Variants in KCTD8 observed in about 807,000 individuals in gnomAD.
KCTD8 encodes BTB/POZ domain-containing protein KCTD8.
In KCTD8, 27 loss-of-function variants were observed where a neutral mutation model predicts 31.5. The ratio of observed to expected loss-of-function variants is 0.86; its 90% confidence interval spans 0.63 to 1.18. The LOEUF (loss-of-function observed/expected upper bound fraction) is 1.18. Ranked by LOEUF, KCTD8 falls within the 50% of genes most tolerant of loss-of-function variation. The pLI, the probability that KCTD8 is intolerant of heterozygous loss-of-function variation, is 0.00. For synonymous variants in KCTD8, 290 were observed against 280.0 expected, an observed-to-expected ratio of 1.04 and a Z score of -0.36; for missense variants, 658 against 647.7, an observed-to-expected ratio of 1.02 and a Z score of -0.17.
chr4:44,339,231 T>C (rs1257035612), intron 1 of KCTD8, among the ~76,000 whole-genome samples: 1 of 152,150 alleles, frequency 6.6e-6, no homozygotes, highest in African/African-American at 2.4e-5. Context: ...AGACCAGTGT[T>C]GGATATGCAG....
At chr4:44,186,766 G>A (rs1560389386) in intron 1 of KCTD8, among the ~76,000 whole-genome samples, 1 of 152,222 alleles carries the variant, frequency 6.6e-6, no homozygotes, top group Non-Finnish European at 1.5e-5. Flanking sequence ...ATGGGATAGA[G>A]AGTTTTTCCT....
chr4:44,394,516 T>C (rs1008227650), intron 1 of KCTD8, among the ~76,000 whole-genome samples: 12 of 152,144 alleles, frequency 7.9e-5, no homozygotes, highest in African/African-American at 2.7e-4. Flanking sequence ...TTATCATATT[T>C]AATGTCATAA....
chr4:44,425,769 T>C (rs16856912), intron 1 of KCTD8, among the ~76,000 whole-genome samples: 7,895 of 151,972 alleles, frequency 0.052, 687 homozygotes, highest in African/African-American at 0.18. Flanking sequence ...ACGCAATCTA[T>C]CCATCATTAT....
intron 1 of KCTD8, among the ~76,000 whole-genome samples, chr4:44,399,682 C>T: frequency 6.6e-6 from 1 of 152,078 alleles, no homozygotes; most frequent in East Asian, 1.9e-4. Context: ...AATGGGAGAC[C>T]ATATTCTTTT....
chr4:44,337,673 C>CAAAAAA lies in KCTD8; in HGVS notation c.961+109884_961+109889dup, dbSNP rs772899561. The stretch of plus-strand genomic sequence containing the variant: ...TGAGTGACAGAGCAAGACTCGATCT[C>CAAAAAA]AAAAAATATATATATATATATATAT... On this transcript the variant is annotated intron_variant, in intron 1 of 1. Transcript: ENST00000360029. 7.1e-5 allele frequency among the ~76,000 whole-genome samples: 5 copies of CAAAAAA among 70,520 alleles called. No homozygotes were observed. The East Asian group carries it at 9.8e-4, about 14-fold the overall frequency. The allele number at this position is 70,520 out of a possible 152,430, so 46.3% of individuals were successfully genotyped here.
intron 1 of KCTD8, among the ~76,000 whole-genome samples, chr4:44,202,151 G>T (rs1284391343): frequency 6.6e-6 from 1 of 152,116 alleles, no homozygotes; most frequent in Non-Finnish European, 1.5e-5. Context: ...AGATGCTAAT[G>T]AGGCTGTGGA....
At chr4:44,301,205 A>G (rs1167590559) in intron 1 of KCTD8, among the ~76,000 whole-genome samples, 5 of 152,032 alleles carry the variant, frequency 3.3e-5, no homozygotes, top group Admixed American at 2.6e-4. Context: ...ATAGCAGCAT[A>G]AGTTATAGTC....
intron 1 of KCTD8, among the ~76,000 whole-genome samples, chr4:44,202,831 T>C (rs1039600870): frequency 6.6e-6 from 1 of 152,118 alleles, no homozygotes; most frequent in African/African-American, 2.4e-5. Context: ...TTGCACAATA[T>C]AAAAATAAAT....
chr4:44,365,097 G>A (rs1046658662), intron 1 of KCTD8, among the ~76,000 whole-genome samples: 24 of 152,014 alleles, frequency 1.6e-4, no homozygotes, highest in African/African-American at 5.8e-4. Flanking sequence ...TTTAATATTG[G>A]TTAATCAGTT....
chr4:44,242,384 C>T (rs1357505271), intron 1 of KCTD8, among the ~76,000 whole-genome samples: 2 of 152,068 alleles, frequency 1.3e-5, no homozygotes, highest in Non-Finnish European at 2.9e-5. Flanking sequence ...CGAGACCATC[C>T]TGGCTAACAC....
chr4:44,437,904 C>A (rs1721710848), intron 1 of KCTD8, among the ~76,000 whole-genome samples: 1 of 152,178 alleles, frequency 6.6e-6, no homozygotes, highest in African/African-American at 2.4e-5. Context: ...CGAGAATCAC[C>A]ATTAGAAGGA....
intron 1 of KCTD8, among the ~76,000 whole-genome samples, chr4:44,350,966 TG>T (rs1190985012): frequency 6.6e-6 from 1 of 152,142 alleles, no homozygotes; most frequent in Non-Finnish European, 1.5e-5. Flanking sequence ...ATTGGCTACC[TG>T]GGATGTCTCA....
chr4:44,343,471 T>A (rs1718959038), intron 1 of KCTD8, among the ~76,000 whole-genome samples: 1 of 152,110 alleles, frequency 6.6e-6, no homozygotes, highest in African/African-American at 2.4e-5. Flanking sequence ...ATAATAATAT[T>A]GAAAAAGTCA....
At chr4:44,316,590 T>A (rs1045319350) in intron 1 of KCTD8, among the ~76,000 whole-genome samples, 8 of 151,852 alleles carry the variant, frequency 5.3e-5, no homozygotes, top group African/African-American at 1.7e-4. Context: ...GGAATATCAA[T>A]CGCAATTTCT....
At chr4:44,401,011 C>CTTTTTTTTTTTT (rs59602420) in intron 1 of KCTD8, among the ~76,000 whole-genome samples, 5 of 95,916 alleles carry the variant, frequency 5.2e-5, no homozygotes, top group Non-Finnish European at 5.9e-5. Context: ...AATTTTCTTT[C>CTTTTTTTTTTTT]TTTTTTTTTT....
intron 1 of KCTD8, among the ~76,000 whole-genome samples, chr4:44,246,080 T>C (rs1039601309): frequency 1.3e-5 from 2 of 152,162 alleles, no homozygotes; most frequent in African/African-American, 4.8e-5. Flanking sequence ...TTATAACAGA[T>C]TCCAATATGT....
intron 1 of KCTD8, among the ~76,000 whole-genome samples, chr4:44,267,395 G>A (rs983551626): frequency 2.6e-5 from 4 of 152,206 alleles, no homozygotes; most frequent in Non-Finnish European, 4.4e-5. Context: ...ATTCAAGGCA[G>A]TGTGTAGAGG....
intron 1 of KCTD8, among the ~76,000 whole-genome samples, chr4:44,417,278 T>C (rs545446523): frequency 6.6e-6 from 1 of 152,304 alleles, no homozygotes; most frequent in South Asian, 2.1e-4. Flanking sequence ...CTTATCTCAT[T>C]ATCAGAATCC....
At chr4:44,436,458 A>T (rs1721648903) in intron 1 of KCTD8, among the ~76,000 whole-genome samples, 1 of 152,136 alleles carries the variant, frequency 6.6e-6, no homozygotes, top group Non-Finnish European at 1.5e-5. Flanking sequence ...AATAAGATTT[A>T]TAGTCCTGAG....
Sources: allele counts gnomAD v4.1 joint callset (sites outside exome capture counted in the v4.1 genomes callset), GRCh38; gene constraint gnomAD v4.1.1; transcripts MANE v1.5; gene names NCBI Gene and HGNC (gene_info 2026-07-23, HGNC 2026-07-21).